The following SMAD6 variants were observed in gnomAD, a reference collection of about 807,000 sequenced individuals.
The protein encoded by SMAD6 is MAD homolog 6.
A neutral mutation model predicts 39.4 loss-of-function variants in SMAD6; 103 were observed. The ratio of observed to expected loss-of-function variants is 2.62; its 90% confidence interval spans 2.23 to 3.08. The LOEUF (loss-of-function observed/expected upper bound fraction) is 3.08, where lower values mean the gene tolerates loss of function less well. Among genes scored for constraint, SMAD6 ranks in the 30% most tolerant of loss-of-function variants. The pLI, the probability that SMAD6 is intolerant of heterozygous loss-of-function variation, is 0.00. For synonymous variants in SMAD6, 445 were observed against 353.3 expected (o/e 1.26, Z -2.91); for missense variants, 1,104 against 742.9 (o/e 1.49, Z -5.65).
Position 66,703,391 on chromosome 15 carries a change from C to T in SMAD6, c.133C>T (p.Pro45Ser). The T allele has an allele frequency of 2.1e-6, 3 of 1,414,942 alleles. No individual in the cohort carries two copies. Among genetic ancestry groups the T allele is most frequent in the South Asian group, 3.1e-5 (2 of 64,582 alleles). 87.6% of individuals were successfully genotyped at this position (1,414,942 alleles called of 1,614,324 possible). ...EDGSLGSRAE[P>S]APRAREGGGC... Reference sequence around the variant, plus strand: ...TGGGAGCTTGGGCAGCCGAGCTGAGCCGGCCCCGCGGGCAAGAGAGGGCGG... The same window carrying T: ...TGGGAGCTTGGGCAGCCGAGCTGAGTCGGCCCCGCGGGCAAGAGAGGGCGG... The change falls in exon 1 of 4, where the codon CCG becomes TCG. Residue 45 changes from proline to serine, a missense_variant. Coordinates refer to ENST00000288840, the MANE Select transcript of SMAD6 (RefSeq NM_005585.5).
chr15:66,744,226 G>A (rs374164478), intron 3 of SMAD6, among the ~76,000 whole-genome samples: 3 of 152,164 alleles, frequency 2.0e-5, no homozygotes, highest in Non-Finnish European at 2.9e-5. Context: ...CAAAAACCGC[G>A]GCTCTGGGAG....
chr15:66,774,847 ATTTTATTTTATT>A (rs1894438890), intron 3 of SMAD6, among the ~76,000 whole-genome samples: 1 of 80,870 alleles, frequency 1.2e-5, no homozygotes, highest in Non-Finnish European at 2.4e-5. Flanking sequence ...ATTTTATTTT[ATTTTATTTTATT>A]TTATTTTATT....
chr15:66,729,658 G>A (rs11636457), intron 3 of SMAD6, among the ~76,000 whole-genome samples: 45,530 of 152,122 alleles, frequency 0.3, 7,040 homozygotes, highest in East Asian at 0.44. Flanking sequence ...GGAGCACTGT[G>A]TGAGTTACCG....
At chr15:66,706,835 C>CT (rs1235695496) in intron 1 of SMAD6, 1 of 152,324 alleles carries the variant, frequency 6.6e-6, no homozygotes, top group Admixed American at 6.5e-5. Flanking sequence ...AGAGCCCACT[C>CT]TCCATCAACT....
At chr15:66,769,795 T>C (rs1224192486) in intron 3 of SMAD6, among the ~76,000 whole-genome samples, 2 of 152,218 alleles carry the variant, frequency 1.3e-5, no homozygotes, top group African/African-American at 4.8e-5. Flanking sequence ...TTCTCTCAGC[T>C]CTGGGAACCT....
At chr15:66,714,365 G>T (rs990536023) in intron 2 of SMAD6, among the ~76,000 whole-genome samples, 1 of 151,274 alleles carries the variant, frequency 6.6e-6, no homozygotes, top group Non-Finnish European at 1.5e-5. Flanking sequence ...AGCTACGAAT[G>T]GCCTTTATTT....
At position 66,703,866 on chromosome 15, in the gene SMAD6, GC is replaced by G; in HGVS notation, c.609del (p.Gly204AlafsTer38). 7.5e-7 allele frequency: 1 copy of G among 1,335,012 alleles called. No individual in the cohort carries two copies. The highest frequency in any genetic ancestry group is 9.7e-7 in the Non-Finnish European group (1 of 1,034,796). 82.7% of individuals were successfully genotyped at this position (1,335,012 alleles called of 1,614,324 possible). On this transcript the variant is annotated frameshift_variant, in exon 1 of 4. Coordinates refer to ENST00000288840, the MANE Select transcript of SMAD6 (RefSeq NM_005585.5). LOFTEE classifies it high-confidence loss of function. ...GTGGAGTCCCGCGGCGGCGTGCCGG[GC>G]GGCTGCGTGCTGGTGCCGCGCGCCG... ...EAVESRGGVP[G>X]GCVLVPRADL...
rs773431944 is a variant in SMAD6, at chr15:66,703,586, C to G, written c.328C>G (p.Pro110Ala). Residue 110 changes from proline to alanine, a missense_variant, in exon 1 of 4, where the codon CCG (proline) becomes GCG (alanine). By Grantham distance (27) the Pro-to-Ala change is conservative (BLOSUM62 -1). Transcript: ENST00000288840. ...GAGCTCCCTGCTGGACGTGGCGGAG[C>G]CGGGAGGCCCGGGCTGGCTGCCCGA... ...AGSSLLDVAE[P>A]GGPGWLPESD... 1 of 1,226,434 alleles carries G rather than the reference C, an allele frequency of 8.2e-7. No individual in the cohort carries two copies. The highest frequency in any genetic ancestry group is 4.1e-5 in the South Asian group (1 of 24,556). 76.0% of individuals were successfully genotyped at this position (1,226,434 alleles called of 1,614,324 possible). A position where few individuals can be genotyped will look rare whatever the true frequency, so the allele number is the denominator to read the frequency against.
At chr15:66,766,568 G>C (rs1894292530) in intron 3 of SMAD6, among the ~76,000 whole-genome samples, 1 of 152,198 alleles carries the variant, frequency 6.6e-6, no homozygotes, top group African/African-American at 2.4e-5. Context: ...AGGAGACCCA[G>C]TGAGAACAGA....
intron 3 of SMAD6, among the ~76,000 whole-genome samples, chr15:66,754,530 A>G (rs1186797416): frequency 1.3e-5 from 2 of 152,152 alleles, no homozygotes; most frequent in Non-Finnish European, 2.9e-5. Flanking sequence ...CATTGATACT[A>G]TGCGGTGGAT....
chr15:66,726,836 C>T (rs1183364788), intron 3 of SMAD6, among the ~76,000 whole-genome samples: 1 of 151,962 alleles, frequency 6.6e-6, no homozygotes, highest in Non-Finnish European at 1.5e-5. Context: ...AGACCCCATT[C>T]CAAAAATGGT....
intron 3 of SMAD6, among the ~76,000 whole-genome samples, chr15:66,737,906 G>A (rs749423498): frequency 6.6e-6 from 1 of 152,228 alleles, no homozygotes; most frequent in Non-Finnish European, 1.5e-5. Flanking sequence ...TCTGAAATAG[G>A]GTTGGGAGGA....
chr15:66,768,523 C>T (rs771481505), intron 3 of SMAD6, among the ~76,000 whole-genome samples: 3 of 152,166 alleles, frequency 2.0e-5, no homozygotes, highest in Non-Finnish European at 4.4e-5. Context: ...GGTAAGATGA[C>T]TTGTAGACTT....
At chr15:66,716,527 T>A (rs1419858743) in intron 3 of SMAD6, 29 bp downstream of exon 3, 2 of 1,531,740 alleles carry the variant, frequency 1.3e-6, no homozygotes, top group Admixed American at 3.3e-5. Context: ...GCATTGCTGT[T>A]GTGTTGAAAT....
chr15:66,710,129 G>A (rs973197937), intron 1 of SMAD6, among the ~76,000 whole-genome samples: 9 of 152,174 alleles, frequency 5.9e-5, no homozygotes, highest in African/African-American at 1.9e-4. Context: ...TGACTGGCTC[G>A]GGGAACATGC....
At chr15:66,740,624 C>T (rs937703993) in intron 3 of SMAD6, 4 of 152,076 alleles carry the variant, frequency 2.6e-5, no homozygotes, top group African/African-American at 9.7e-5. Context: ...GATTATATGC[C>T]AGGTGCTGAG....
intron 3 of SMAD6, among the ~76,000 whole-genome samples, chr15:66,756,959 C>T (rs758779045): frequency 1.3e-5 from 2 of 152,216 alleles, no homozygotes; most frequent in Non-Finnish European, 2.9e-5. Flanking sequence ...AGTTCTGCCT[C>T]ATGTCTACCT....
chr15:66,762,036 G>A (rs1039400390), intron 3 of SMAD6, among the ~76,000 whole-genome samples: 2 of 152,304 alleles, frequency 1.3e-5, no homozygotes, highest in East Asian at 1.9e-4. Flanking sequence ...AGCCCTAGGC[G>A]ACTGCTCACC....
At chr15:66,731,611 T>C (rs1035516604) in intron 3 of SMAD6, among the ~76,000 whole-genome samples, 1 of 152,274 alleles carries the variant, frequency 6.6e-6, no homozygotes, top group Non-Finnish European at 1.5e-5. Context: ...AAAACTAGTA[T>C]ACTGCTTTGA....
Sources: gnomAD v4.1 joint callset for allele counts (sites outside exome capture counted in the v4.1 genomes callset) on GRCh38, gnomAD v4.1.1 for gene constraint, MANE v1.5 for transcripts, NCBI Gene and HGNC (gene_info 2026-07-23, HGNC 2026-07-21) for gene names.